SPECC1: variants seen among roughly 807,000 people sequenced by gnomAD.
SPECC1 encodes the protein sperm antigen with calponin homology and coiled-coil domains 1, also known as cytospin-B.
Under a neutral mutation model 104.1 loss-of-function variants are expected in SPECC1, and 62 were observed. That is an observed-to-expected ratio of 0.60 (90% CI 0.49 to 0.74). The LOEUF is 0.74. SPECC1 is among the 30% of genes least tolerant of loss of function. The pLI is 0.00. For synonymous variants in SPECC1, 513 were observed against 501.6 expected (o/e 1.02, Z -0.30); for missense variants, 1,306 against 1,310.5 (o/e 1.00, Z 0.05).
intron 2 of SPECC1, among the ~76,000 whole-genome samples, chr17:20,104,562 G>A (rs1597708826): frequency 6.6e-6 from 1 of 151,856 alleles, no homozygotes; most frequent in South Asian, 2.1e-4. Flanking sequence ...GGCCAACATG[G>A]TGAAATCCCG....
chr17:20,247,396 G>A (rs2039464692), intron 9 of SPECC1, 77 bp downstream of exon 9: 1 of 958,364 alleles, frequency 1.0e-6, no homozygotes, highest in East Asian at 2.5e-5. Flanking sequence ...ACACATATTA[G>A]TGTCCGTGTG....
rs2047667654 is a variant in SPECC1 at position 20,096,768 on chromosome 17, T to C, written c.117T>C (p.Thr39=). Residue 39 remains threonine (T), a synonymous_variant, in exon 2 of 15, where the codon ACT becomes ACC. Coordinates refer to ENST00000395527, the MANE Select transcript of SPECC1 (RefSeq NM_001243439.2). ...SSGMKSSKSS[T]SLAFESRLSR... The stretch of plus-strand genomic sequence containing the variant: ...GCATGAAGAGTTCTAAGTCTTCAAC[T>C]TCCTTGGCTTTTGAGTCCCGACTCA... The C allele has an allele frequency of 6.2e-7, 1 of 1,613,928 alleles. No individual in the cohort carries two copies. Among genetic ancestry groups the C allele is most frequent in the Non-Finnish European group, 8.5e-7 (1 of 1,179,924 alleles).
At chr17:20,206,272 A>T (rs1347460019) in intron 4 of SPECC1, among the ~76,000 whole-genome samples, 1 of 152,222 alleles carries the variant, frequency 6.6e-6, no homozygotes, top group African/African-American at 2.4e-5. Context: ...TTCCTGGAAG[A>T]AATAGCAACT....
rs925496516 is a variant in SPECC1 at position 20,316,887 on chromosome 17, T to C, written c.*2822T>C. On this transcript the variant is annotated 3_prime_UTR_variant, in exon 15 of 15. Transcript: ENST00000395527. Reference sequence around the variant, plus strand: ...CGTTGCGGTGTCCCTCCCTCCCCGCTGGGGCCATACCAGCCCCTCTCCACT... The same window carrying C: ...CGTTGCGGTGTCCCTCCCTCCCCGCCGGGGCCATACCAGCCCCTCTCCACT... 1.8e-4 allele frequency: 38 copies of C among 213,114 alleles called. 1 individual carries two copies. The highest frequency in any genetic ancestry group is 8.5e-5 in the Non-Finnish European group (9 of 105,284). 13.2% of individuals were successfully genotyped at this position (213,114 alleles called of 1,614,324 possible).
chr17:20,279,587 G>A (rs2040698750), intron 12 of SPECC1, among the ~76,000 whole-genome samples: 1 of 152,160 alleles, frequency 6.6e-6, no homozygotes, highest in Non-Finnish European at 1.5e-5. Context: ...CTCCCAAAGT[G>A]TTGGGATTAC....
intron 3 of SPECC1, among the ~76,000 whole-genome samples, chr17:20,199,383 GTTTTTTT>G (rs3077216): frequency 3.2e-5 from 2 of 62,432 alleles, no homozygotes; most frequent in African/African-American, 7.5e-5. Flanking sequence ...CACCGTGCTG[GTTTTTTT>G]TTTTTTTTTT....
chr17:20,318,325 T>G lies in SPECC1; in HGVS notation c.*4260T>G, dbSNP rs977415587. On this transcript the variant is annotated 3_prime_UTR_variant, in exon 15 of 15. Coordinates refer to ENST00000395527, the MANE Select transcript of SPECC1 (RefSeq NM_001243439.2). ...TGCGGGGATAACATTCTCAGGAGCT[T>G]CTCTTGTCCTAGCCCCTTCTCATTT... is the stretch of plus-strand genomic sequence containing the variant. 10 of 232,222 alleles carry G rather than the reference T, an allele frequency of 4.3e-5. No individual in the cohort carries two copies. The highest frequency in any genetic ancestry group is 1.1e-4 in the Admixed American group (2 of 17,750). The allele number at this position is 232,222 out of a possible 1,614,324, so 14.4% of individuals were successfully genotyped here. A position where few individuals can be genotyped will look rare whatever the true frequency, so the allele number is the denominator to read the frequency against.
chr17:20,306,868 A>C (rs2041782528), intron 14 of SPECC1, among the ~76,000 whole-genome samples: 1 of 152,250 alleles, frequency 6.6e-6, no homozygotes, highest in Admixed American at 6.5e-5. Context: ...TACTTGAGCT[A>C]GTCAGCAGAT....
At chr17:20,312,114 G>A (rs1420660951) in intron 14 of SPECC1, among the ~76,000 whole-genome samples, 9 of 152,296 alleles carry the variant, frequency 5.9e-5, no homozygotes, top group Non-Finnish European at 8.8e-5. Context: ...TCAGGATAAT[G>A]TTGGGATCCT....
rs549675066 is a variant in SPECC1, at chr17:20,311,349, A to G, written c.3118-2627A>G. 9.2e-5 allele frequency among the ~76,000 whole-genome samples: 14 copies of G among 151,986 alleles called. No homozygotes were observed. The East Asian group carries it at 2.5e-3, about 27-fold the overall frequency. ...CATTTGTTTCTTTTTCATGCCGTTTAGCACTAGCTAGAACTTCCAGTACAT... is the reference window on the plus strand; with the variant it reads ...CATTTGTTTCTTTTTCATGCCGTTTGGCACTAGCTAGAACTTCCAGTACAT... On this transcript the variant is annotated intron_variant, in intron 14 of 14. Coordinates refer to ENST00000395527, the MANE Select transcript of SPECC1 (RefSeq NM_001243439.2).
chr17:20,294,442 T>C (rs1414609538), intron 12 of SPECC1, among the ~76,000 whole-genome samples: 1 of 152,154 alleles, frequency 6.6e-6, no homozygotes, highest in East Asian at 1.9e-4. Flanking sequence ...CTTTTCCCCC[T>C]GAGAAGCCTC....
At chr17:20,099,714 AAAAAAAC>A (rs1197356582) in intron 2 of SPECC1, among the ~76,000 whole-genome samples, 12 of 148,754 alleles carry the variant, frequency 8.1e-5, no homozygotes, top group Middle Eastern at 6.8e-3. Context: ...AAAAAAAAAA[AAAAAAAC>A]CCACAAAATA....
intron 9 of SPECC1, among the ~76,000 whole-genome samples, chr17:20,251,281 G>A (rs771764206): frequency 2.8e-5 from 4 of 144,164 alleles, no homozygotes; most frequent in Non-Finnish European, 6.0e-5. Context: ...GGAAAATGTA[G>A]TCGATAAAGA....
rs114197530 is a variant in SPECC1 at position 20,206,717 on chromosome 17, C to T, written c.1863+805C>T. ...TGTTTATTTAGGAAAAATTCCTAGACGATGACTTACCGAGTCAAAGAGTAT... is the reference window on the plus strand; with the variant it reads ...TGTTTATTTAGGAAAAATTCCTAGATGATGACTTACCGAGTCAAAGAGTAT... On this transcript the variant is annotated intron_variant, in intron 4 of 14. Transcript: ENST00000395527. Among the ~76,000 whole-genome samples, 1,161 of 152,198 alleles carry T rather than the reference C, an allele frequency of 7.6e-3. 16 individuals carry two copies. The highest frequency in any genetic ancestry group is 0.027 in the African/African-American group (1,103 of 41,540).
intron 12 of SPECC1, among the ~76,000 whole-genome samples, chr17:20,270,465 A>AAAAAAAT (rs2040369132): frequency 8.3e-6 from 1 of 120,368 alleles, no homozygotes; most frequent in Non-Finnish European, 1.7e-5. Context: ...AAAAAAAAAA[A>AAAAAAAT]AACATTAGCC....
chr17:20,110,342 C>G, intron 2 of SPECC1, 85 bp from the exon 3 acceptor site: 1 of 1,476,702 alleles, frequency 6.8e-7, no homozygotes, highest in South Asian at 1.4e-5. Flanking sequence ...GGGCACATAG[C>G]CCAGCTCCCA....
intron 7 of SPECC1, among the ~76,000 whole-genome samples, chr17:20,240,649 T>G (rs866096652): frequency 1.4e-4 from 21 of 152,326 alleles, no homozygotes; most frequent in African/African-American, 4.6e-4. Flanking sequence ...GAGTCATCCT[T>G]TGTCCACTGA....
At chr17:20,125,775 T>G (rs1050699058) in intron 3 of SPECC1, among the ~76,000 whole-genome samples, 1 of 152,232 alleles carries the variant, frequency 6.6e-6, no homozygotes, top group Non-Finnish European at 1.5e-5. Flanking sequence ...CATACATGGA[T>G]GGACCAGACT....
intron 1 of SPECC1, among the ~76,000 whole-genome samples, chr17:20,083,840 G>T (rs188185332): frequency 1.3e-5 from 2 of 152,232 alleles, no homozygotes; most frequent in Non-Finnish European, 2.9e-5. Context: ...TTGCATTTCC[G>T]CCAGCAATGT....
Sources: allele counts gnomAD v4.1 joint callset (sites outside exome capture counted in the v4.1 genomes callset), GRCh38; gene constraint gnomAD v4.1.1; transcripts MANE v1.5; gene names NCBI Gene and HGNC (gene_info 2026-07-23, HGNC 2026-07-21).